The following ASAP2 variants were observed in gnomAD, a reference collection of about 807,000 sequenced individuals.
The protein encoded by ASAP2 is ArfGAP with SH3 domain, ankyrin repeat and PH domain 2, also known as arf-GAP with SH3 domain, ANK repeat and PH domain-containing protein 2.
A neutral mutation model predicts 131.4 loss-of-function variants in ASAP2; 45 were observed. The ratio of observed to expected loss-of-function variants is 0.34; its 90% CI spans 0.27 to 0.44. The LOEUF (loss-of-function observed/expected upper bound fraction) is 0.44, where lower values mean the gene tolerates loss of function less well. Ranked by LOEUF, ASAP2 falls within the 20% of genes least tolerant of loss-of-function variation. The probability of loss-of-function intolerance (pLI) is 1.00; values close to 1 mark genes in which losing one functional copy is unlikely to be tolerated. For synonymous variants in ASAP2, 510 were observed against 503.0 expected, an observed-to-expected ratio of 1.01 and a Z score of -0.19; for missense variants, 1,011 against 1,297.0, an observed-to-expected ratio of 0.78 and a Z score of 3.39.
intron 12 of ASAP2, among the ~76,000 whole-genome samples, chr2:9,351,289 T>C (rs536332401): frequency 6.6e-6 from 1 of 152,332 alleles, no homozygotes; most frequent in African/African-American, 2.4e-5. Context: ...TTAGAAATGC[T>C]AAAATGAGGG....
At position 9,400,271 on chromosome 2, in the gene ASAP2, T is replaced by TGC. The variant is rs1676540022; in HGVS notation, c.2734+199_2734+200insGC. ...CCCTTCCCCTCCTGCCCTCTTCCTC[T>TGC]CCTTCCTTCCCTCCTTCCTTCCTTC... is the stretch of plus-strand genomic sequence containing the variant. On this transcript the variant is annotated intron_variant, in intron 25 of 27. Coordinates refer to ENST00000281419, the MANE Select transcript of ASAP2 (RefSeq NM_003887.3). Among the ~76,000 whole-genome samples the TGC allele has an allele frequency of 1.1e-4, 4 of 36,608 alleles. No individual in the cohort carries two copies. In the African/African-American group the frequency reaches 1.7e-3, roughly 15 times the overall value. 24.0% of individuals were successfully genotyped at this position (36,608 alleles called of 152,430 possible).
rs749120423 is a variant in ASAP2 at position 9,393,515 on chromosome 2, C to T, written c.2552C>T (p.Ala851Val). 9.3e-6 allele frequency: 15 copies of T among 1,605,662 alleles called. No homozygotes were observed. The highest frequency in any genetic ancestry group is 1.2e-5 in the Non-Finnish European group (14 of 1,176,692). The change falls in exon 24 of 28, where the codon GCC becomes GTC. Residue 851 changes from alanine (A) to valine (V), a missense_variant. Transcript: ENST00000281419. The stretch of plus-strand genomic sequence containing the variant: ...ACCCCCACGCCGCCCCCACCCGTTG[C>T]CAAGACGCCCAGCGTAATGGAAGCC... ...PLTPTPPPPV[A>V]KTPSVMEALS...
At chr2:9,349,488 C>T (rs375570723) in intron 11 of ASAP2, among the ~76,000 whole-genome samples, 17 of 152,196 alleles carry the variant, frequency 1.1e-4, no homozygotes, top group African/African-American at 3.9e-4. Context: ...TAACAATCCA[C>T]GATCAGTGGT....
intron 1 of ASAP2, among the ~76,000 whole-genome samples, chr2:9,253,995 TG>T (rs1238948931): frequency 6.6e-6 from 1 of 151,366 alleles, no homozygotes; most frequent in East Asian, 2.0e-4. Context: ...ATCACAAGGT[TG>T]GGAGTTCGAG....
intron 1 of ASAP2, among the ~76,000 whole-genome samples, chr2:9,227,114 C>T (rs865833439): frequency 1.1e-4 from 16 of 152,180 alleles, no homozygotes; most frequent in African/African-American, 1.7e-4. Context: ...ATCTGCCATC[C>T]GGCGTCTCCA....
At chr2:9,365,398 G>A (rs1673394304) in intron 15 of ASAP2, among the ~76,000 whole-genome samples, 1 of 152,210 alleles carries the variant, frequency 6.6e-6, no homozygotes, top group South Asian at 2.1e-4. Flanking sequence ...TCACTTGCCT[G>A]TTCTCTCCTG....
At position 9,268,422 on chromosome 2, in the gene ASAP2, G is replaced by A. The variant is rs865808441; in HGVS notation, c.127-10895G>A. On this transcript the variant is annotated intron_variant, in intron 1 of 27. Transcript: ENST00000281419. This position sits in a 1 kb window ranked among gnomAD's most constrained non-coding sequence, Gnocchi z 4.1. ...TCCTCAGCTGTGACTTAGCTCAGAC[G>A]TCTATTTGATCTTAATTCTTAGCGA... Among the ~76,000 whole-genome samples the A allele has an allele frequency of 6.6e-6, 1 of 152,140 alleles. No individual in the cohort carries two copies.
intron 1 of ASAP2, among the ~76,000 whole-genome samples, chr2:9,213,160 G>A (rs372064434): frequency 2.0e-5 from 3 of 152,222 alleles, no homozygotes; most frequent in Non-Finnish European, 4.4e-5. Context: ...TCAGGAAACC[G>A]AAATCAGGAA....
intron 1 of ASAP2, among the ~76,000 whole-genome samples, chr2:9,242,280 G>A (rs1479902976): frequency 6.6e-6 from 1 of 152,206 alleles, no homozygotes; most frequent in Non-Finnish European, 1.5e-5. Context: ...TCAGTTCCTT[G>A]CTGACACTGT....
chr2:9,210,561 G>GTTT (rs906726476), intron 1 of ASAP2, among the ~76,000 whole-genome samples: 1 of 146,990 alleles, frequency 6.8e-6, no homozygotes, highest in Non-Finnish European at 1.5e-5. Context: ...TAACCCATGT[G>GTTT]TTTTTTTTTT....
intron 7 of ASAP2, among the ~76,000 whole-genome samples, chr2:9,329,847 T>C (rs1670715829): frequency 6.6e-6 from 1 of 152,246 alleles, no homozygotes; most frequent in South Asian, 2.1e-4. Context: ...CCTCCCTGTC[T>C]TCTGTTCCTC....
chr2:9,210,677 C>T (rs2147928015), intron 1 of ASAP2, among the ~76,000 whole-genome samples: 1 of 151,998 alleles, frequency 6.6e-6, no homozygotes, highest in African/African-American at 2.4e-5. Context: ...GCCTCAGCCT[C>T]CCGAGTAGCT....
intron 21 of ASAP2, among the ~76,000 whole-genome samples, chr2:9,387,707 T>A (rs1675388581): frequency 6.6e-6 from 1 of 152,212 alleles, no homozygotes; most frequent in African/African-American, 2.4e-5. Context: ...GAATGGAGAA[T>A]TTTAACCTGT....
chr2:9,385,415 T>G, intron 21 of ASAP2, 57 bp downstream of exon 21: 1 of 1,343,424 alleles, frequency 7.4e-7, no homozygotes, highest in Non-Finnish European at 1.1e-6. Context: ...CAGAACAGTG[T>G]GGGTCCTAAT....
intron 3 of ASAP2, among the ~76,000 whole-genome samples, chr2:9,304,221 C>T (rs1449427858): frequency 2.0e-5 from 3 of 152,118 alleles, no homozygotes; most frequent in Admixed American, 2.0e-4. Context: ...AAATCAGTTT[C>T]TTCACAATTG....
chr2:9,280,478 G>T lies in ASAP2; in HGVS notation c.199+1089G>T, dbSNP rs542721649. On this transcript the variant is annotated intron_variant, in intron 2 of 27. Transcript: ENST00000281419. ...ATCTAGCAGGAAATCCCAGGTGCAGGATAATGTTACAGTTGAGCATTGCCA... is the reference window on the plus strand; with the variant it reads ...ATCTAGCAGGAAATCCCAGGTGCAGTATAATGTTACAGTTGAGCATTGCCA... Among the ~76,000 whole-genome samples, 37 of 152,304 alleles carry T rather than the reference G, an allele frequency of 2.4e-4. 1 individual carries two copies. Among genetic ancestry groups the T allele is most frequent in the African/African-American group, 7.2e-4 (30 of 41,542 alleles).
chr2:9,212,143 C>T (rs1661605369), intron 1 of ASAP2, among the ~76,000 whole-genome samples: 1 of 152,134 alleles, frequency 6.6e-6, no homozygotes, highest in South Asian at 2.1e-4. Context: ...ACTCAGGATT[C>T]CTGAGTCCTT....
intron 14 of ASAP2, 137 bp downstream of exon 14, chr2:9,356,482 C>A: frequency 9.5e-7 from 1 of 1,053,104 alleles, no homozygotes; most frequent in African/African-American, 1.6e-5. Flanking sequence ...CATCCCATTA[C>A]ACAAATGCTT....
At chr2:9,218,727 C>T (rs1015381818) in intron 1 of ASAP2, among the ~76,000 whole-genome samples, 1 of 152,220 alleles carries the variant, frequency 6.6e-6, no homozygotes, top group African/African-American at 2.4e-5. Context: ...CCAGTCTTTC[C>T]AGCTCTTGAC....
Sources: gnomAD v4.1 joint callset for allele counts (sites outside exome capture counted in the v4.1 genomes callset) on GRCh38, gnomAD v4.1.1 for gene constraint, Gnocchi (gnomAD v3.1) non-coding constraint, MANE v1.5 for transcripts, NCBI Gene and HGNC (gene_info 2026-07-23, HGNC 2026-07-21) for gene names.